The following VPS4A variants were observed in gnomAD, a reference collection of about 807,000 sequenced individuals.
VPS4A encodes vacuolar protein sorting-associated protein 4A.
A neutral mutation model predicts 52.3 loss-of-function variants in VPS4A; 20 were observed. The observed-to-expected ratio is 0.38, with a 90% CI of 0.27 to 0.56. The LOEUF is 0.56. Among genes scored for constraint, VPS4A ranks in the 20% least tolerant of loss-of-function variants. VPS4A has a pLI of 0.72. For synonymous variants in VPS4A, 293 were observed against 227.7 expected, an observed-to-expected ratio of 1.29 and a Z score of -2.58; for missense variants, 419 against 575.9, an observed-to-expected ratio of 0.73 and a Z score of 2.79.
At chr16:69,316,204 C>A in intron 2 of VPS4A, 21 bp from the exon 3 acceptor site, 1 of 1,613,136 alleles carries the variant, frequency 6.2e-7, no homozygotes. Context: ...CACAGGGGCC[C>A]CTCTGTGTTC....
Position 69,320,957 on chromosome 16 carries a change from A to G in VPS4A, c.852-94A>G. On this transcript the variant is annotated intron_variant, in intron 8 of 10. Coordinates refer to ENST00000254950, the MANE Select transcript of VPS4A (RefSeq NM_013245.3). This position sits in a 1 kb window ranked among gnomAD's most constrained non-coding sequence, Gnocchi z 4.2. Reference sequence around the variant, plus strand: ...GCCGCCAGCATCACTGGCCCATGAAATGCGTCCGTTTCACTCAAATCTTCG... The same window carrying G: ...GCCGCCAGCATCACTGGCCCATGAAGTGCGTCCGTTTCACTCAAATCTTCG... 7.4e-7 allele frequency: 1 copy of G among 1,356,388 alleles called. No individual in the cohort carries two copies. Among genetic ancestry groups the G allele is most frequent in the Non-Finnish European group, 1.0e-6 (1 of 978,156 alleles). The allele number at this position is 1,356,388 out of a possible 1,614,324, so 84.0% of individuals were successfully genotyped here. A position where few individuals can be genotyped will look rare whatever the true frequency, so the allele number is the denominator to read the frequency against.
In VPS4A at chr16:69,320,660, C is replaced by CT. The variant is rs1254358678; in HGVS notation, c.770-27dup. On this transcript the variant is annotated intron_variant, in intron 7 of 10. Coordinates refer to ENST00000254950, the MANE Select transcript of VPS4A (RefSeq NM_013245.3). This position sits in a 1 kb window ranked among gnomAD's most constrained non-coding sequence, Gnocchi z 4.2. ...ACTGACCCGTGCAGGTGTCCAGAGT[C>CT]TGAGTCTTTGTCTCCCTTTCTCCAC... 1.3e-6 allele frequency: 2 copies of CT among 1,574,438 alleles called. No homozygotes were observed. Among genetic ancestry groups the CT allele is most frequent in the Non-Finnish European group, 1.7e-6 (2 of 1,158,784 alleles).
In VPS4A at chr16:69,320,054, G is replaced by T. The variant is rs2143262338; in HGVS notation, c.621-87G>T. The T allele has an allele frequency of 6.7e-7, 1 of 1,492,612 alleles. No homozygotes were observed. The allele number at this position is 1,492,612 out of a possible 1,614,324, so 92.5% of individuals were successfully genotyped here. A position where few individuals can be genotyped will look rare whatever the true frequency, so the allele number is the denominator to read the frequency against. On this transcript the variant is annotated intron_variant, in intron 6 of 10. Transcript: ENST00000254950. This position sits in a 1 kb window ranked among gnomAD's most constrained non-coding sequence, Gnocchi z 4.2. ...ATGACCGTGGCCTGCGCCTCCCTGT[G>T]GGAAGGGTGAGAAGAGGGAAGTGCC... is the stretch of plus-strand genomic sequence containing the variant.
intron 3 of VPS4A, among the ~76,000 whole-genome samples, chr16:69,316,920 C>T (rs1398171294): frequency 6.6e-6 from 1 of 152,164 alleles, no homozygotes; most frequent in Non-Finnish European, 1.5e-5. Flanking sequence ...GCCCCGATTC[C>T]CCAGCCAGGG....
In VPS4A at chr16:69,320,841, C is replaced by A; in HGVS notation, c.851+72C>A. On this transcript the variant is annotated intron_variant, in intron 8 of 10. Transcript: ENST00000254950. The surrounding 1 kb of genome is among the most constrained non-coding windows in gnomAD (Gnocchi z 4.2). ...ATGGTCACGGTCCGCCTGCTGCTGG[C>A]AGCCCGGGTGCAGCCTGGCCCCTTT... 1 of 1,468,868 alleles carries A rather than the reference C, an allele frequency of 6.8e-7. No individual in the cohort carries two copies. The highest frequency in any genetic ancestry group is 9.3e-7 in the Non-Finnish European group (1 of 1,074,086). 91.0% of individuals were successfully genotyped at this position (1,468,868 alleles called of 1,614,324 possible). A position where few individuals can be genotyped will look rare whatever the true frequency, so the allele number is the denominator to read the frequency against.
In VPS4A at chr16:69,323,562, C is replaced by T. The variant is rs567293795; in HGVS notation, c.1213-646C>T. The T allele has an allele frequency of 7.0e-4, 312 of 447,072 alleles. 2 individuals are homozygous for T. The highest frequency in any genetic ancestry group is 5.2e-3 in the African/African-American group (261 of 49,892). 27.7% of individuals were successfully genotyped at this position (447,072 alleles called of 1,614,324 possible). A position where few individuals can be genotyped will look rare whatever the true frequency, so the allele number is the denominator to read the frequency against. ...GGCAGTGAATGTGTCAAGACTGTGA[C>T]GCAGTTGCAAAGGCAGCGCCTCACC... On this transcript the variant is annotated intron_variant, in intron 10 of 10. Transcript: ENST00000254950.
intron 9 of VPS4A, chr16:69,322,227 CAT>C (rs146559363): frequency 0.012 from 2,352 of 188,414 alleles, 54 homozygotes; most frequent in African/African-American, 0.05. Context: ...CCTCCCACAA[CAT>C]GTGGGAATTC....
intron 3 of VPS4A, among the ~76,000 whole-genome samples, chr16:69,318,242 G>T (rs1357360548): frequency 6.6e-6 from 1 of 152,142 alleles, no homozygotes; most frequent in South Asian, 2.1e-4. Context: ...CAGAGTGCTG[G>T]GATTACAGGG....
At chr16:69,319,308 GTAT>G in intron 5 of VPS4A, 76 bp from the exon 6 acceptor site, 2 of 1,571,418 alleles carry the variant, frequency 1.3e-6, no homozygotes, top group Admixed American at 1.8e-5. Context: ...TTTACTGTAT[GTAT>G]GGGACTCGAG....
At chr16:69,314,782 GGT>G in intron 1 of VPS4A, among the ~76,000 whole-genome samples, 1 of 152,030 alleles carries the variant, frequency 6.6e-6, no homozygotes, top group East Asian at 1.9e-4. Flanking sequence ...GCCAAGAGCC[GGT>G]CAGGAGGTTT....
intron 4 of VPS4A, 40 bp downstream of exon 4, chr16:69,318,751 G>A (rs200848259): frequency 6.2e-7 from 1 of 1,613,292 alleles, no homozygotes; most frequent in Non-Finnish European, 8.5e-7. Flanking sequence ...CAGGGGATGA[G>A]AGTGGGTCCG....
In VPS4A at chr16:69,321,356, C is replaced by T. The variant is rs919542199; in HGVS notation, c.1071+86C>T. 1.4e-6 allele frequency: 2 copies of T among 1,428,732 alleles called. No individual in the cohort carries two copies. The highest frequency in any genetic ancestry group is 1.3e-5 in the South Asian group (1 of 78,048). 88.5% of individuals were successfully genotyped at this position (1,428,732 alleles called of 1,614,324 possible). On this transcript the variant is annotated intron_variant, in intron 9 of 10. Transcript: ENST00000254950. The surrounding 1 kb of genome is among the most constrained non-coding windows in gnomAD (Gnocchi z 4.5). ...TTTTTTCCCAGCTCCTGGTCCTGCT[C>T]CCCGGCTGCTCAGGTGACACAGTCT...
intron 1 of VPS4A, among the ~76,000 whole-genome samples, chr16:69,313,884 C>T (rs2143245182): frequency 6.6e-6 from 1 of 152,114 alleles, no homozygotes; most frequent in South Asian, 2.1e-4. Context: ...GGCAGTTTCT[C>T]ACCTTACCCT....
rs763879597 is a variant in VPS4A, at chr16:69,326,446, A to C, written c.*2137A>C. 2.0e-5 allele frequency: 3 copies of C among 152,152 alleles called. No homozygotes were observed. Among genetic ancestry groups the C allele is most frequent in the Non-Finnish European group, 4.4e-5 (3 of 68,028 alleles). 9.4% of individuals were successfully genotyped at this position (152,152 alleles called of 1,614,324 possible). ...ACTTTAGTGAGCTTACAAGTTTTTAAATTTTTACTTCTAGTTACATTTACT... is the reference window on the plus strand; with the variant it reads ...ACTTTAGTGAGCTTACAAGTTTTTACATTTTTACTTCTAGTTACATTTACT... On this transcript the variant is annotated 3_prime_UTR_variant, in exon 11 of 11. Transcript: ENST00000254950.
chr16:69,322,102 GAAGA>G (rs1965520578), intron 9 of VPS4A: 1 of 166,426 alleles, frequency 6.0e-6, no homozygotes, highest in Non-Finnish European at 1.3e-5. Context: ...AAGAGAAAAT[GAAGA>G]AACAAAAGTG....
intron 9 of VPS4A, 36 bp from the exon 10 acceptor site, chr16:69,322,524 G>A: frequency 6.3e-7 from 1 of 1,588,796 alleles, no homozygotes; most frequent in Non-Finnish European, 8.6e-7. Context: ...CTGACACTGA[G>A]GGGCAGCTGC....
In VPS4A at chr16:69,320,442, C is replaced by T. The variant is rs532716471; in HGVS notation, c.769+153C>T. On this transcript the variant is annotated intron_variant, in intron 7 of 10. Coordinates refer to ENST00000254950, the MANE Select transcript of VPS4A (RefSeq NM_013245.3). This position sits in a 1 kb window ranked among gnomAD's most constrained non-coding sequence, Gnocchi z 4.2. ...CAGGGCACGGGTGGACTTCAATTCC[C>T]AAGAGGTGCCTGAGGCCTCTGCCTC... 1.4e-4 allele frequency: 165 copies of T among 1,152,412 alleles called. 2 individuals are homozygous for T. In the East Asian group the frequency reaches 4.1e-3, roughly 28 times the overall value. The allele number at this position is 1,152,412 out of a possible 1,614,324, so 71.4% of individuals were successfully genotyped here. A position where few individuals can be genotyped will look rare whatever the true frequency, so the allele number is the denominator to read the frequency against.
rs1439592137 is a variant in VPS4A at position 69,315,895 on chromosome 16, AT to A, written c.22-112del. 10 of 860,432 alleles carry A rather than the reference AT, an allele frequency of 1.2e-5. No individual in the cohort carries two copies. In the African/African-American group the frequency reaches 1.4e-4, roughly 12 times the overall value. 53.3% of individuals were successfully genotyped at this position (860,432 alleles called of 1,614,324 possible). The stretch of plus-strand genomic sequence containing the variant: ...AGGCCAATGAAATGGCCCGCAAGCA[AT>A]AAATCCACAGGCCCAGCGGCATCCC... On this transcript the variant is annotated intron_variant, in intron 1 of 10. Coordinates refer to ENST00000254950, the MANE Select transcript of VPS4A (RefSeq NM_013245.3).
rs779590417 is a variant in VPS4A, at chr16:69,316,052, C to T, written c.66C>T (p.Ala22=). Residue 22 remains alanine (A), a synonymous_variant, in exon 2 of 11, where the codon GCC becomes GCT. Transcript: ENST00000254950. ...CGAAAGCCACAGAGGAGGACAAAGC[C>T]AAGAACTACGAGGAGGCGCTGCGGC... The part of the protein sequence containing the change: ...LVTKATEEDK[A]KNYEEALRLY... 1.2e-6 allele frequency: 2 copies of T among 1,613,574 alleles called. No individual in the cohort carries two copies. Among genetic ancestry groups the T allele is most frequent in the Non-Finnish European group, 1.7e-6 (2 of 1,179,888 alleles).
Sources: allele counts gnomAD v4.1 joint callset (sites outside exome capture counted in the v4.1 genomes callset), GRCh38; gene constraint gnomAD v4.1.1; non-coding constraint Gnocchi (gnomAD v3.1); transcripts MANE v1.5; gene names NCBI Gene and HGNC (gene_info 2026-07-23, HGNC 2026-07-21).